The following EYS variants were observed in gnomAD, a reference collection of about 807,000 sequenced individuals.
The protein encoded by EYS is EGF-like photoreceptor maintenance factor, also known as protein eyes shut homolog.
Under a neutral mutation model 282.1 loss-of-function variants are expected in EYS, and 250 were observed. That is an observed-to-expected ratio of 0.89 (90% CI 0.80 to 0.98). The LOEUF (loss-of-function observed/expected upper bound fraction) is 0.98. EYS is among the 50% of genes least tolerant of loss of function. The pLI, the probability that EYS is intolerant of heterozygous loss-of-function variation, is 0.00. For missense variants in EYS, 4,016 were observed against 3,709.0 expected, an observed-to-expected ratio of 1.08 and a Z score of -2.15; for synonymous variants, 1,355 against 1,282.9, an observed-to-expected ratio of 1.06 and a Z score of -1.20.
intron 35 of EYS, among the ~76,000 whole-genome samples, chr6:63,917,138 G>A (rs1027590080): frequency 1.3e-5 from 2 of 152,258 alleles, no homozygotes; most frequent in African/African-American, 4.8e-5. Context: ...GTAACTGTGT[G>A]TGCATGTGTA....
chr6:64,836,120 CCATA>C (rs1436359078), intron 19 of EYS, among the ~76,000 whole-genome samples: 3 of 151,132 alleles, frequency 2.0e-5, no homozygotes, highest in African/African-American at 7.3e-5. Context: ...CCACATGCCT[CCATA>C]CATACATACA....
intron 29 of EYS, among the ~76,000 whole-genome samples, chr6:64,347,779 C>T (rs1771464940): frequency 6.6e-6 from 1 of 151,258 alleles, no homozygotes; most frequent in South Asian, 2.1e-4. Context: ...TTTTCCTTAT[C>T]TACCCCTTTC....
At chr6:64,073,799 A>AAT (rs1278919621) in intron 32 of EYS, among the ~76,000 whole-genome samples, 1 of 151,432 alleles carries the variant, frequency 6.6e-6, no homozygotes, top group Non-Finnish European at 1.5e-5. Context: ...TATGTTTGCA[A>AAT]ATATATATAG....
At chr6:64,795,615 T>C (rs1182420137) in intron 22 of EYS, among the ~76,000 whole-genome samples, 1 of 152,190 alleles carries the variant, frequency 6.6e-6, no homozygotes, top group Non-Finnish European at 1.5e-5. Flanking sequence ...GGCATTTCAC[T>C]CTCAAGGGAC....
At chr6:64,203,765 T>G (rs931611998) in intron 31 of EYS, among the ~76,000 whole-genome samples, 2 of 152,208 alleles carry the variant, frequency 1.3e-5, no homozygotes, top group African/African-American at 4.8e-5. Context: ...TTTGACTTGT[T>G]TCAGGTCTAG....
At chr6:64,428,673 A>G (rs1258036172) in intron 28 of EYS, among the ~76,000 whole-genome samples, 1 of 152,186 alleles carries the variant, frequency 6.6e-6, no homozygotes, top group Non-Finnish European at 1.5e-5. Context: ...CTAAATTGCC[A>G]TTATCCAATT....
At chr6:65,119,344 T>C (rs1209420233) in intron 12 of EYS, among the ~76,000 whole-genome samples, 1 of 152,158 alleles carries the variant, frequency 6.6e-6, no homozygotes. Context: ...GTCATCATCT[T>C]ATACCAAGGC....
At chr6:63,858,050 G>C (rs1039137323) in intron 36 of EYS, among the ~76,000 whole-genome samples, 1 of 152,266 alleles carries the variant, frequency 6.6e-6, no homozygotes, top group Non-Finnish European at 1.5e-5. Context: ...GGACCAGGGT[G>C]CCTGGGGAAG....
At chr6:63,899,031 A>G (rs2149729992) in intron 35 of EYS, among the ~76,000 whole-genome samples, 1 of 152,344 alleles carries the variant, frequency 6.6e-6, no homozygotes, top group East Asian at 1.9e-4. Context: ...AGCAGCTATG[A>G]CCTGCCTAAA....
At chr6:64,128,326 C>T (rs567775290) in intron 31 of EYS, among the ~76,000 whole-genome samples, 46 of 152,234 alleles carry the variant, frequency 3.0e-4, no homozygotes, top group African/African-American at 1.1e-3. Context: ...AGCCCTAAAG[C>T]ATACCATGAA....
intron 29 of EYS, among the ~76,000 whole-genome samples, chr6:64,317,561 AC>A (rs1056268334): frequency 2.2e-4 from 33 of 152,186 alleles, no homozygotes; most frequent in African/African-American, 7.2e-4. Flanking sequence ...AAAAATAGAA[AC>A]GCTTTTACAC....
intron 37 of EYS, among the ~76,000 whole-genome samples, chr6:63,799,022 A>ATATATATAAT (rs1770720007): frequency 1.4e-5 from 1 of 69,570 alleles, no homozygotes; most frequent in African/African-American, 5.7e-5. Context: ...TATATATATA[A>ATATATATAAT]TTTTTTTTTT....
At chr6:64,085,333 T>TGA in intron 31 of EYS, among the ~76,000 whole-genome samples, 1 of 130,214 alleles carries the variant, frequency 7.7e-6, no homozygotes, top group South Asian at 2.5e-4. Flanking sequence ...CGTGCGCACG[T>TGA]GCGCGCGCAC....
intron 19 of EYS, among the ~76,000 whole-genome samples, chr6:64,850,877 C>T (rs1765861718): frequency 6.6e-6 from 1 of 151,842 alleles, no homozygotes; most frequent in Non-Finnish European, 1.5e-5. Context: ...AGATGACAAC[C>T]AACATAATTT....
chr6:64,334,633 G>A (rs1770775229), intron 29 of EYS, among the ~76,000 whole-genome samples: 1 of 152,148 alleles, frequency 6.6e-6, no homozygotes, highest in Admixed American at 6.6e-5. Flanking sequence ...AACAGCCCGA[G>A]CCTTAGACTT....
chr6:63,830,029 C>CTA (rs1435797477), intron 36 of EYS, among the ~76,000 whole-genome samples: 1 of 152,210 alleles, frequency 6.6e-6, no homozygotes, highest in Non-Finnish European at 1.5e-5. Context: ...AACTAACAAA[C>CTA]AGAAAGGACA....
At chr6:63,827,858 A>C (rs1432395131) in intron 36 of EYS, among the ~76,000 whole-genome samples, 3 of 146,698 alleles carry the variant, frequency 2.0e-5, no homozygotes, top group Non-Finnish European at 4.4e-5. Context: ...CTCAAAAAAA[A>C]AAAAAAAAAA....
intron 12 of EYS, among the ~76,000 whole-genome samples, chr6:65,236,433 A>C (rs1766925748): frequency 6.6e-6 from 1 of 152,086 alleles, no homozygotes; most frequent in African/African-American, 2.4e-5. Flanking sequence ...AATATGGTGA[A>C]ACCCCGTCTC....
chr6:65,088,703 C>T (rs540048517), intron 12 of EYS, among the ~76,000 whole-genome samples: 1 of 152,254 alleles, frequency 6.6e-6, no homozygotes, highest in East Asian at 1.9e-4. Flanking sequence ...TAATAAGGAG[C>T]CCAATGATAA....
Sources: gnomAD v4.1 joint callset for allele counts (sites outside exome capture counted in the v4.1 genomes callset) on GRCh38, gnomAD v4.1.1 for gene constraint, MANE v1.5 for transcripts, NCBI Gene and HGNC (gene_info 2026-07-23, HGNC 2026-07-21) for gene names.